Variants in NIPBL observed in about 807,000 individuals in gnomAD.
NIPBL encodes NIPBL cohesin loading factor.
In NIPBL, 19 loss-of-function variants were observed where a neutral mutation model predicts 321.8. That is an observed-to-expected ratio of 0.06 (90% CI 0.04 to 0.09). The LOEUF (loss-of-function observed/expected upper bound fraction) is 0.09. Ranked by LOEUF, NIPBL falls within the 10% of genes least tolerant of loss-of-function variation. The pLI is 1.00. For synonymous variants in NIPBL, 1,106 were observed against 1,114.1 expected (o/e 0.99, Z 0.14); for missense variants, 2,210 against 3,327.0 (o/e 0.66, Z 8.26).
At chr5:36,923,128 TTTTG>T (rs1749080052) in intron 1 of NIPBL, among the ~76,000 whole-genome samples, 1 of 152,024 alleles carries the variant, frequency 6.6e-6, no homozygotes, top group African/African-American at 2.4e-5. Context: ...ATTTTTGTAA[TTTTG>T]TACTAAAAAT....
intron 42 of NIPBL, among the ~76,000 whole-genome samples, chr5:37,056,883 G>T (rs1754143532): frequency 6.6e-6 from 1 of 152,042 alleles, no homozygotes; most frequent in African/African-American, 2.4e-5. Flanking sequence ...ATAGCATAGT[G>T]TAAGTCATTA....
At chr5:36,906,725 A>C (rs1747668283) in intron 1 of NIPBL, among the ~76,000 whole-genome samples, 1 of 152,220 alleles carries the variant, frequency 6.6e-6, no homozygotes, top group Admixed American at 6.5e-5. Flanking sequence ...CTTCAGTAGA[A>C]GATATAATTA....
rs779099547 is a variant in NIPBL, at chr5:36,995,816, A to G, written c.3304+12A>G. On this transcript the variant is annotated intron_variant, in intron 11 of 46. Transcript: ENST00000282516. ...TGAAGCTTTTGAATGTAAGTATCAC[A>G]GAACTCTTTGTTATTATTTTAGAGT... The G allele has an allele frequency of 6.2e-7, 1 of 1,602,454 alleles. No homozygotes were observed. Among genetic ancestry groups the G allele is most frequent in the Non-Finnish European group, 8.5e-7 (1 of 1,169,662 alleles).
intron 1 of NIPBL, chr5:36,886,388 C>T: frequency 1.4e-6 from 1 of 728,662 alleles, no homozygotes; most frequent in East Asian, 2.5e-5. Flanking sequence ...CTTGATGATG[C>T]CCTGGACAGC....
At chr5:36,991,464 C>G (rs1745506562) in intron 10 of NIPBL, among the ~76,000 whole-genome samples, 1 of 151,918 alleles carries the variant, frequency 6.6e-6, no homozygotes, top group Non-Finnish European at 1.5e-5. Context: ...ACTTTATATT[C>G]AGTGTAGATT....
chr5:36,937,565 A>G (rs1387389372), intron 1 of NIPBL, among the ~76,000 whole-genome samples: 1 of 151,962 alleles, frequency 6.6e-6, no homozygotes, highest in East Asian at 1.9e-4. Context: ...CCAAGAAAAG[A>G]GAAGAAAAGG....
At chr5:37,050,386 C>T (rs1306382318) in intron 40 of NIPBL, among the ~76,000 whole-genome samples, 1 of 151,566 alleles carries the variant, frequency 6.6e-6, no homozygotes, top group East Asian at 1.9e-4. Flanking sequence ...ATTGCTTGAA[C>T]CCAGGAAGCA....
In NIPBL at chr5:37,059,070, A is replaced by G. The variant is rs1286310849; in HGVS notation, c.7590A>G (p.Ser2530=). The G allele has an allele frequency of 1.1e-5, 17 of 1,614,186 alleles. No homozygotes were observed. In the Admixed American group the frequency reaches 2.2e-4, roughly 21 times the overall value. Residue 2530 remains serine (S), a synonymous_variant, in exon 44 of 47, where the codon TCA becomes TCG. Coordinates refer to ENST00000282516, the MANE Select transcript of NIPBL (RefSeq NM_133433.4). The stretch of plus-strand genomic sequence containing the variant: ...TGATGAAATGTTTGCCAGAAAATTC[A>G]GCTCCTTTAATCGAATTTGCAAATG... ...NSVMKCLPEN[S]APLIEFANVS...
At chr5:36,987,759 C>A (rs927590645) in intron 10 of NIPBL, among the ~76,000 whole-genome samples, 1 of 151,758 alleles carries the variant, frequency 6.6e-6, no homozygotes, top group Non-Finnish European at 1.5e-5. Flanking sequence ...ATTAGACTTA[C>A]CAAAAGTCAG....
intron 1 of NIPBL, among the ~76,000 whole-genome samples, chr5:36,909,180 A>C (rs114736462): frequency 6.6e-6 from 1 of 152,158 alleles, no homozygotes; most frequent in Non-Finnish European, 1.5e-5. Flanking sequence ...GGAATTGAGT[A>C]CTAGAAACAC....
At chr5:36,887,947 T>C (rs1454165947) in intron 1 of NIPBL, among the ~76,000 whole-genome samples, 2 of 152,194 alleles carry the variant, frequency 1.3e-5, no homozygotes, top group South Asian at 2.1e-4. Flanking sequence ...TATCAACTCA[T>C]TTACCTAAAC....
Position 37,007,376 on chromosome 5 carries a change from A to C in NIPBL, c.4141A>C (p.Arg1381=). 6.2e-7 allele frequency: 1 copy of C among 1,611,880 alleles called. No homozygotes were observed. The highest frequency in any genetic ancestry group is 2.2e-5 in the East Asian group (1 of 44,682). The change falls in exon 18 of 47, where the codon AGA becomes CGA. Residue 1381 remains arginine, a synonymous_variant. Coordinates refer to ENST00000282516, the MANE Select transcript of NIPBL (RefSeq NM_133433.4). The part of the protein sequence containing the change: ...KRAKCSTHKQ[R]VIVMLYNKVC... The stretch of plus-strand genomic sequence containing the variant: ...GGCTAAATGTTCTACCCATAAGCAG[A>C]GAGTAATAGTAATGCTTTATAACAA...
intron 1 of NIPBL, among the ~76,000 whole-genome samples, chr5:36,945,780 A>C (rs1431874421): frequency 6.6e-6 from 1 of 152,142 alleles, no homozygotes; most frequent in Non-Finnish European, 1.5e-5. Flanking sequence ...GGATTTGAGG[A>C]AGATCCTTTC....
rs149578437 is a variant in NIPBL at position 36,984,881 on chromosome 5, T to G, written c.1701T>G (p.Pro567=). 10 of 1,613,732 alleles carry G rather than the reference T, an allele frequency of 6.2e-6. No homozygotes were observed. Among genetic ancestry groups the G allele is most frequent in the Non-Finnish European group, 7.6e-6 (9 of 1,179,882 alleles). The stretch of plus-strand genomic sequence containing the variant: ...AGGATTCAGACTCCATAAAAAAGCC[T>G]GAAGAAATCAAACAATGTAATGATG... ...ITQDSDSIKK[P]EEIKQCNDAP... is the part of the protein sequence containing the mutation. Residue 567 remains proline, a synonymous_variant, in exon 10 of 47, where the codon CCT becomes CCG. Coordinates refer to ENST00000282516, the MANE Select transcript of NIPBL (RefSeq NM_133433.4).
intron 1 of NIPBL, among the ~76,000 whole-genome samples, chr5:36,927,282 A>T (rs972576512): frequency 6.6e-6 from 1 of 152,164 alleles, no homozygotes; most frequent in South Asian, 2.1e-4. Flanking sequence ...TATTTTACTG[A>T]GAGGAGAAAA....
chr5:37,044,201 C>G, intron 34 of NIPBL, 146 bp from the exon 35 acceptor site: 1 of 677,966 alleles, frequency 1.5e-6, no homozygotes. Flanking sequence ...CCTTCCATAC[C>G]TTGAAAAAAA....
chr5:36,964,658 C>T (rs973011132), intron 6 of NIPBL, among the ~76,000 whole-genome samples: 1 of 151,938 alleles, frequency 6.6e-6, no homozygotes. Context: ...TATAGGCAAC[C>T]AAAGGAAGAA....
intron 10 of NIPBL, 90 bp from the exon 11 acceptor site, chr5:36,995,528 CAAAT>C: frequency 1.2e-6 from 1 of 805,886 alleles, no homozygotes; most frequent in South Asian, 1.6e-5. Flanking sequence ...ATTTAGAAAA[CAAAT>C]ACTAATATTT....
chr5:36,931,410 T>C lies in NIPBL; in HGVS notation c.-79-22208T>C, dbSNP rs543948525. Among the ~76,000 whole-genome samples, 253 of 151,420 alleles carry C rather than the reference T, an allele frequency of 1.7e-3. 1 individual carries two copies. Among genetic ancestry groups the C allele is most frequent in the African/African-American group, 5.8e-3 (237 of 41,196 alleles). On this transcript the variant is annotated intron_variant, in intron 1 of 46. Transcript: ENST00000282516. Reference sequence around the variant, plus strand: ...TCGGCTCACTGCAGCCTCTGCCTCCTAGGCTCAAGTGATCTTCCCACCTAA... The same window carrying C: ...TCGGCTCACTGCAGCCTCTGCCTCCCAGGCTCAAGTGATCTTCCCACCTAA...
Sources: gnomAD v4.1 joint callset for allele counts (sites outside exome capture counted in the v4.1 genomes callset) on GRCh38, gnomAD v4.1.1 for gene constraint, MANE v1.5 for transcripts, NCBI Gene and HGNC (gene_info 2026-07-23, HGNC 2026-07-21) for gene names.